The following B3GLCT variants were observed in gnomAD, a reference collection of about 807,000 sequenced individuals.
B3GLCT encodes beta 3-glucosyltransferase, also known as beta-1,3-glucosyltransferase.
In B3GLCT, 65 loss-of-function variants were observed where a neutral mutation model predicts 63.4. The ratio of observed to expected loss-of-function variants is 1.03; its 90% CI spans 0.84 to 1.26. The LOEUF (loss-of-function observed/expected upper bound fraction) is 1.26, where lower values mean the gene tolerates loss of function less well. Among genes scored for constraint, B3GLCT ranks in the 50% most tolerant of loss-of-function variants. The pLI, the probability that B3GLCT is intolerant of heterozygous loss-of-function variation, is 0.00. For missense variants in B3GLCT, 577 were observed against 604.8 expected, an observed-to-expected ratio of 0.95 and a Z score of 0.48; for synonymous variants, 233 against 219.2, an observed-to-expected ratio of 1.06 and a Z score of -0.55.
chr13:31,310,447 G>A (rs758082955), intron 12 of B3GLCT, among the ~76,000 whole-genome samples: 81 of 152,232 alleles, frequency 5.3e-4, no homozygotes, highest in Non-Finnish European at 9.3e-4. Context: ...ACTGAGCTGA[G>A]GGTGGTGACA....
chr13:31,316,849 A>G (rs1360964113), intron 12 of B3GLCT, among the ~76,000 whole-genome samples: 3 of 152,150 alleles, frequency 2.0e-5, no homozygotes, highest in African/African-American at 7.2e-5. Flanking sequence ...TTTATGACCA[A>G]CTCACGGATA....
chr13:31,314,440 C>G (rs1437213783), intron 12 of B3GLCT, among the ~76,000 whole-genome samples: 2 of 152,196 alleles, frequency 1.3e-5, no homozygotes, highest in African/African-American at 4.8e-5. Context: ...GGATGTGAGA[C>G]ATGGAGTCAA....
intron 1 of B3GLCT, among the ~76,000 whole-genome samples, chr13:31,213,964 G>C (rs141759520): frequency 6.6e-6 from 1 of 151,984 alleles, no homozygotes; most frequent in Non-Finnish European, 1.5e-5. Flanking sequence ...TTCTTAGTGT[G>C]AAGATGTTTT....
intron 6 of B3GLCT, among the ~76,000 whole-genome samples, chr13:31,258,380 G>T (rs916996248): frequency 3.6e-4 from 54 of 152,012 alleles, no homozygotes; most frequent in Non-Finnish European, 4.6e-4. Flanking sequence ...ATGTTGGCAT[G>T]ACCAGCTGGT....
intron 4 of B3GLCT, among the ~76,000 whole-genome samples, chr13:31,231,348 G>T (rs1870371911): frequency 6.6e-6 from 1 of 152,164 alleles, no homozygotes; most frequent in Non-Finnish European, 1.5e-5. Context: ...TGAATTAAGA[G>T]CACACTTTTC....
intron 6 of B3GLCT, among the ~76,000 whole-genome samples, chr13:31,253,394 A>G (rs1226138520): frequency 6.6e-6 from 1 of 152,018 alleles, no homozygotes; most frequent in Non-Finnish European, 1.5e-5. Context: ...GATTGAGACC[A>G]TCCTGGCTAG....
intron 4 of B3GLCT, among the ~76,000 whole-genome samples, chr13:31,237,585 C>A (rs561826238): frequency 6.6e-6 from 1 of 152,080 alleles, no homozygotes; most frequent in Non-Finnish European, 1.5e-5. Context: ...GAACTCCTGA[C>A]CTCAGGTGAC....
At chr13:31,271,652 A>G (rs1459411877) in intron 8 of B3GLCT, among the ~76,000 whole-genome samples, 1 of 152,188 alleles carries the variant, frequency 6.6e-6, no homozygotes, top group Non-Finnish European at 1.5e-5. Context: ...GGCCTAGCTC[A>G]TGTTCAGTTT....
chr13:31,297,145 G>A (rs989843159), intron 12 of B3GLCT, among the ~76,000 whole-genome samples: 5 of 151,886 alleles, frequency 3.3e-5, no homozygotes, highest in Non-Finnish European at 4.4e-5. Flanking sequence ...CTTGGATACA[G>A]TATGGATAGA....
chr13:31,209,572 C>T (rs999787040), intron 1 of B3GLCT, among the ~76,000 whole-genome samples: 3 of 152,182 alleles, frequency 2.0e-5, no homozygotes, highest in South Asian at 2.1e-4. Context: ...GCTTCCAAGA[C>T]GGCTCTCTGT....
At chr13:31,247,215 T>C in intron 5 of B3GLCT, 116 bp downstream of exon 5, 1 of 816,452 alleles carries the variant, frequency 1.2e-6, no homozygotes, top group Non-Finnish European at 2.1e-6. Context: ...GAAGTAAATT[T>C]GAGTTTTACT....
At chr13:31,318,927 T>C (rs1875193700) in intron 13 of B3GLCT, among the ~76,000 whole-genome samples, 1 of 152,226 alleles carries the variant, frequency 6.6e-6, no homozygotes, top group Non-Finnish European at 1.5e-5. Flanking sequence ...GTTGTCTTCA[T>C]TGCATATTGG....
At chr13:31,274,010 AC>A (rs1387674927) in intron 8 of B3GLCT, among the ~76,000 whole-genome samples, 2 of 151,966 alleles carry the variant, frequency 1.3e-5, no homozygotes, top group East Asian at 3.9e-4. Flanking sequence ...AGGGAAAACT[AC>A]CCTTGGTGCC....
intron 12 of B3GLCT, among the ~76,000 whole-genome samples, chr13:31,309,027 C>T (rs753123112): frequency 3.3e-5 from 5 of 152,094 alleles, no homozygotes; most frequent in African/African-American, 7.2e-5. Context: ...CTTATGCATC[C>T]GGTGAACCAA....
At position 31,253,622 on chromosome 13, in the gene B3GLCT, C is replaced by CAAACAAAA. The variant is rs57351096; in HGVS notation, c.459+5656_459+5657insAAACAAAA. ...AAAAAAAAAAAAAAAAAAAAAAAAA[C>CAAACAAAA]TAGAGAAGCAAGAGCAAGCAAATTC... On this transcript the variant is annotated intron_variant, in intron 6 of 14. Coordinates refer to ENST00000343307, the MANE Select transcript of B3GLCT (RefSeq NM_194318.4). Among the ~76,000 whole-genome samples the CAAACAAAA allele has an allele frequency of 3.3e-4, 20 of 60,916 alleles. 1 individual carries two copies. Among genetic ancestry groups the CAAACAAAA allele is most frequent in the East Asian group, 1.6e-3 (4 of 2,438 alleles). 40.0% of individuals were successfully genotyped at this position (60,916 alleles called of 152,430 possible). A position where few individuals can be genotyped will look rare whatever the true frequency, so the allele number is the denominator to read the frequency against.
At chr13:31,214,752 C>G (rs932454409) in intron 1 of B3GLCT, among the ~76,000 whole-genome samples, 4 of 152,226 alleles carry the variant, frequency 2.6e-5, no homozygotes, top group African/African-American at 9.6e-5. Context: ...ATTTTGTACA[C>G]ATCTATTTTA....
chr13:31,291,745 A>G (rs1873672206), intron 12 of B3GLCT, among the ~76,000 whole-genome samples: 1 of 152,198 alleles, frequency 6.6e-6, no homozygotes. Flanking sequence ...TAAATATATG[A>G]TCATGTCATC....
intron 4 of B3GLCT, among the ~76,000 whole-genome samples, chr13:31,231,513 A>G (rs953012612): frequency 6.6e-6 from 1 of 152,112 alleles, no homozygotes; most frequent in Non-Finnish European, 1.5e-5. Context: ...ATCCAAGTCT[A>G]GTTGATTGCA....
At chr13:31,290,561 G>T (rs1873603901) in intron 12 of B3GLCT, among the ~76,000 whole-genome samples, 1 of 152,182 alleles carries the variant, frequency 6.6e-6, no homozygotes, top group Admixed American at 6.5e-5. Flanking sequence ...CATTCTAACT[G>T]GCGTGAGATG....
Sources: gnomAD v4.1 joint callset for allele counts (sites outside exome capture counted in the v4.1 genomes callset) on GRCh38, gnomAD v4.1.1 for gene constraint, MANE v1.5 for transcripts, NCBI Gene and HGNC (gene_info 2026-07-23, HGNC 2026-07-21) for gene names.